Variants in CEP63 observed in about 807,000 individuals in gnomAD.
The protein encoded by CEP63 is centrosomal protein 63.
Under a neutral mutation model 89.1 loss-of-function variants are expected in CEP63, and 84 were observed. The ratio of observed to expected loss-of-function variants is 0.94; its 90% CI spans 0.79 to 1.13. CEP63 has a LOEUF of 1.13. Among genes scored for constraint, CEP63 ranks in the 50% most tolerant of loss-of-function variants. CEP63 has a pLI of 0.00. For missense variants in CEP63, 838 were observed against 813.3 expected (o/e 1.03, Z -0.37); for synonymous variants, 267 against 272.5 (o/e 0.98, Z 0.20).
the CEP63 span, among the ~76,000 whole-genome samples, chr3:134,667,911 A>G: frequency 6.6e-6 from 1 of 152,244 alleles, no homozygotes. Flanking sequence ...CAACAAATAT[A>G]AATCAGTTTG....
chr3:134,544,962 G>T (rs916353057), intron 6 of CEP63, among the ~76,000 whole-genome samples: 7 of 151,976 alleles, frequency 4.6e-5, no homozygotes, highest in Non-Finnish European at 8.8e-5. Context: ...ATCCTCCCAT[G>T]CCACTGTGCT....
chr3:134,612,944 A>G, the CEP63 span: 1 of 152,536 alleles, frequency 6.6e-6, no homozygotes, highest in Non-Finnish European at 1.5e-5. Flanking sequence ...AATAATGATT[A>G]TGTGTTACTT....
At chr3:134,544,765 T>A (rs775776135) in intron 6 of CEP63, among the ~76,000 whole-genome samples, 2 of 152,112 alleles carry the variant, frequency 1.3e-5, no homozygotes, top group Non-Finnish European at 1.5e-5. Context: ...TCCAGCCAGG[T>A]TGCGGTTGAA....
chr3:134,546,229 G>A lies in CEP63; in HGVS notation c.870G>A (p.Lys290=). The A allele has an allele frequency of 6.2e-7, 1 of 1,613,772 alleles. No homozygotes were observed. Among genetic ancestry groups the A allele is most frequent in the South Asian group, 1.1e-5 (1 of 91,066 alleles). ...TCATACATGAGGCCAGAATACAAAA[G>A]GAGAAGTTACAAGAAAAAGTAAAGG... ...ENLIHEARIQ[K]EKLQEKVKAT... is the part of the protein sequence containing the mutation. Residue 290 remains lysine (K), a synonymous_variant, in exon 8 of 15, where the codon AAG becomes AAA. Coordinates refer to ENST00000675561, the MANE Select transcript of CEP63 (RefSeq NM_001353108.3).
downstream of CEP63, among the ~76,000 whole-genome samples, chr3:134,567,387 T>C (rs1359403310): frequency 7.1e-6 from 1 of 141,372 alleles, no homozygotes; most frequent in Non-Finnish European, 1.5e-5. Context: ...ACTCTGAATA[T>C]AACAACTAAA....
chr3:134,614,023 C>A, the CEP63 span, among the ~76,000 whole-genome samples: 2 of 152,150 alleles, frequency 1.3e-5, no homozygotes, highest in Non-Finnish European at 2.9e-5. Flanking sequence ...ATCATATCCC[C>A]AAAATAAGGC....
At chr3:134,696,614 A>G in the CEP63 span, among the ~76,000 whole-genome samples, 1 of 152,188 alleles carries the variant, frequency 6.6e-6, no homozygotes, top group Non-Finnish European at 1.5e-5. Context: ...TGCCCATAGT[A>G]CCATCAACTA....
intron 1 of CEP63, among the ~76,000 whole-genome samples, chr3:134,492,076 T>C (rs1937731263): frequency 6.9e-6 from 1 of 144,332 alleles, no homozygotes; most frequent in African/African-American, 2.5e-5. Flanking sequence ...TATTCTTTTT[T>C]TTTTTTTTTT....
chr3:134,520,163 T>G (rs932679124), intron 3 of CEP63, among the ~76,000 whole-genome samples: 1 of 152,172 alleles, frequency 6.6e-6, no homozygotes. Context: ...TAGCACATGC[T>G]TTGTTGGTGT....
At chr3:134,672,020 A>G in the CEP63 span, among the ~76,000 whole-genome samples, 3 of 152,288 alleles carry the variant, frequency 2.0e-5, no homozygotes, top group East Asian at 3.9e-4. Flanking sequence ...TTGTCAAGTA[A>G]TACCTCAACA....
the CEP63 span, among the ~76,000 whole-genome samples, chr3:134,758,609 TATTG>T: frequency 5.9e-5 from 9 of 152,310 alleles, no homozygotes; most frequent in East Asian, 9.6e-4. Flanking sequence ...TGCAGGTATT[TATTG>T]ATTATCTCCT....
chr3:134,638,632 G>C, the CEP63 span, among the ~76,000 whole-genome samples: 7 of 152,118 alleles, frequency 4.6e-5, no homozygotes, highest in Non-Finnish European at 8.8e-5. Context: ...CCTAGACCCC[G>C]CCAGCTCTCC....
the CEP63 span, among the ~76,000 whole-genome samples, chr3:134,758,677 G>A: frequency 6.6e-6 from 1 of 152,118 alleles, no homozygotes; most frequent in Non-Finnish European, 1.5e-5. Context: ...CCTCAGATTG[G>A]CCCTGATCTA....
intron 2 of CEP63, among the ~76,000 whole-genome samples, chr3:134,496,292 A>C (rs1219072060): frequency 6.6e-6 from 1 of 152,242 alleles, no homozygotes; most frequent in African/African-American, 2.4e-5. Context: ...AGCCATGGGC[A>C]TACAGGCTCA....
chr3:134,537,384 C>A (rs1950976637), intron 6 of CEP63, 116 bp downstream of exon 6: 4 of 715,514 alleles, frequency 5.6e-6, no homozygotes, highest in African/African-American at 5.3e-5. Flanking sequence ...TCCACGAACC[C>A]TGCTCTCTTG....
chr3:134,771,803 A>C, the CEP63 span, among the ~76,000 whole-genome samples: 3 of 152,206 alleles, frequency 2.0e-5, no homozygotes, highest in East Asian at 5.8e-4. Flanking sequence ...TTTTTAAAAA[A>C]GGAAAAAGCA....
downstream of CEP63, among the ~76,000 whole-genome samples, chr3:134,578,394 G>A (rs994461754): frequency 7.0e-6 from 1 of 142,364 alleles, no homozygotes; most frequent in South Asian, 2.3e-4. Flanking sequence ...GCAGTGGTGC[G>A]ATCTCACCTC....
chr3:134,610,899 G>T, the CEP63 span, among the ~76,000 whole-genome samples: 2 of 152,214 alleles, frequency 1.3e-5, no homozygotes, highest in African/African-American at 4.8e-5. Flanking sequence ...TGGGGTTGCT[G>T]GTTGTGAGGG....
the CEP63 span, among the ~76,000 whole-genome samples, chr3:134,696,931 T>A: frequency 2.0e-5 from 3 of 152,340 alleles, no homozygotes; most frequent in South Asian, 6.2e-4. Flanking sequence ...ATTTATGTGA[T>A]CATTTCCTTA....
Sources: gnomAD v4.1 joint callset for allele counts (sites outside exome capture counted in the v4.1 genomes callset) on GRCh38, gnomAD v4.1.1 for gene constraint, MANE v1.5 for transcripts, NCBI Gene and HGNC (gene_info 2026-07-23, HGNC 2026-07-21) for gene names.